SLC25A12: variants seen among roughly 807,000 people sequenced by gnomAD.
SLC25A12 encodes electrogenic aspartate/glutamate antiporter SLC25A12, mitochondrial.
Under a neutral mutation model 83.3 loss-of-function variants are expected in SLC25A12, and 32 were observed. The observed-to-expected ratio is 0.38, with a 90% CI of 0.29 to 0.52. The LOEUF is 0.52. Ranked by LOEUF, SLC25A12 falls within the 20% of genes least tolerant of loss-of-function variation. The pLI, the probability that SLC25A12 is intolerant of heterozygous loss-of-function variation, is 0.84. For missense variants in SLC25A12, 611 were observed against 835.6 expected (o/e 0.73, Z 3.31); for synonymous variants, 267 against 291.1 (o/e 0.92, Z 0.84).
At chr2:171,893,137 G>T in intron 2 of SLC25A12, 68 bp downstream of exon 2, 1 of 1,250,936 alleles carries the variant, frequency 8.0e-7, no homozygotes, top group Non-Finnish European at 1.2e-6. Flanking sequence ...GTTAAGGCAT[G>T]AATAGGACTA....
chr2:171,799,822 C>A (rs563913326), intron 13 of SLC25A12, among the ~76,000 whole-genome samples: 2 of 152,180 alleles, frequency 1.3e-5, no homozygotes, highest in Non-Finnish European at 2.9e-5. Context: ...AAAGTGTGTT[C>A]GCATAGGGTT....
rs1184871981 is a variant in SLC25A12, at chr2:171,783,450, A to G, written c.*1824T>C. Among the ~76,000 whole-genome samples the G allele has an allele frequency of 6.6e-6, 1 of 152,260 alleles. No individual in the cohort carries two copies. The highest frequency in any genetic ancestry group is 1.5e-5 in the Non-Finnish European group (1 of 68,034). ...ATAAACTGACATGGAAAGATATCCAAAACACATTAAGTGAACAAAAGCAAG... is the reference window on the plus strand; with the variant it reads ...ATAAACTGACATGGAAAGATATCCAGAACACATTAAGTGAACAAAAGCAAG... On this transcript the variant is annotated 3_prime_UTR_variant, in exon 18 of 18. Coordinates refer to ENST00000422440, the MANE Select transcript of SLC25A12 (RefSeq NM_003705.5).
intron 13 of SLC25A12, among the ~76,000 whole-genome samples, chr2:171,808,175 G>A (rs1359815502): frequency 2.0e-5 from 3 of 152,242 alleles, no homozygotes; most frequent in Non-Finnish European, 4.4e-5. Flanking sequence ...GAAATTAGTT[G>A]AGCTGCAAAT....
intron 13 of SLC25A12, among the ~76,000 whole-genome samples, chr2:171,803,681 G>A (rs1411331928): frequency 6.6e-6 from 1 of 152,152 alleles, no homozygotes; most frequent in Non-Finnish European, 1.5e-5. Context: ...AGCTACTCAG[G>A]AGGATGGGGC....
intron 2 of SLC25A12, among the ~76,000 whole-genome samples, chr2:171,870,878 G>T (rs1428943960): frequency 1.3e-5 from 2 of 152,108 alleles, no homozygotes; most frequent in African/African-American, 4.8e-5. Flanking sequence ...TCCATTTGTG[G>T]ATCTGACTAA....
chr2:171,788,508 T>C (rs1426203846), intron 15 of SLC25A12: 1 of 158,136 alleles, frequency 6.3e-6, no homozygotes, highest in Non-Finnish European at 1.4e-5. Flanking sequence ...TCATTACAAC[T>C]GGAGCAAGAG....
chr2:171,834,656 T>C, intron 7 of SLC25A12, 71 bp downstream of exon 7: 1 of 1,530,074 alleles, frequency 6.5e-7, no homozygotes, highest in Non-Finnish European at 9.0e-7. Context: ...TAAGCTTAGA[T>C]CAACATCATG....
chr2:171,788,697 C>CG (rs1051033092), intron 15 of SLC25A12: 2 of 152,312 alleles, frequency 1.3e-5, no homozygotes, highest in African/African-American at 4.8e-5. Flanking sequence ...TAATCTTCCC[C>CG]GGGGGAAGAA....
intron 2 of SLC25A12, among the ~76,000 whole-genome samples, chr2:171,881,181 C>T (rs1685686844): frequency 6.6e-6 from 1 of 151,640 alleles, no homozygotes; most frequent in African/African-American, 2.4e-5. Flanking sequence ...GAGACGGAGT[C>T]TCACTCAGCC....
At chr2:171,866,133 A>G (rs1318713677) in intron 3 of SLC25A12, among the ~76,000 whole-genome samples, 1 of 134,548 alleles carries the variant, frequency 7.4e-6, no homozygotes, top group Non-Finnish European at 1.6e-5. Flanking sequence ...GACACAGCAC[A>G]TGTTTCAGAG....
chr2:171,803,342 G>A (rs1474074), intron 13 of SLC25A12, among the ~76,000 whole-genome samples: 40,736 of 151,664 alleles, frequency 0.27, 5,580 homozygotes, highest in African/African-American at 0.3. Flanking sequence ...TAGATTAAAC[G>A]AACTTCATTA....
intron 2 of SLC25A12, among the ~76,000 whole-genome samples, chr2:171,874,016 C>T (rs1025936639): frequency 1.3e-5 from 2 of 151,922 alleles, no homozygotes; most frequent in Non-Finnish European, 2.9e-5. Flanking sequence ...ACCTGAGGTC[C>T]GGGAGTTCGA....
chr2:171,836,726 G>C (rs1057075747), intron 6 of SLC25A12, among the ~76,000 whole-genome samples: 1 of 152,146 alleles, frequency 6.6e-6, no homozygotes, highest in Non-Finnish European at 1.5e-5. Flanking sequence ...CCAAGATGAA[G>C]GCAGTAGTGT....
At chr2:171,841,228 T>C (rs940972763) in intron 5 of SLC25A12, among the ~76,000 whole-genome samples, 1 of 152,128 alleles carries the variant, frequency 6.6e-6, no homozygotes, top group Non-Finnish European at 1.5e-5. Flanking sequence ...TACAGGTGCC[T>C]GCCACCACAC....
At chr2:171,834,980 T>A in intron 6 of SLC25A12, 115 bp from the exon 7 acceptor site, 1 of 1,051,878 alleles carries the variant, frequency 9.5e-7, no homozygotes, top group Non-Finnish European at 1.4e-6. Context: ...AAAATGATGT[T>A]AACAACCAGT....
chr2:171,874,451 C>G (rs542961638), intron 2 of SLC25A12, among the ~76,000 whole-genome samples: 7 of 152,274 alleles, frequency 4.6e-5, no homozygotes, highest in Non-Finnish European at 2.9e-5. Flanking sequence ...TCTTTGTTCT[C>G]GCTCTTCACA....
intron 14 of SLC25A12, among the ~76,000 whole-genome samples, chr2:171,792,225 A>G (rs919461028): frequency 6.7e-6 from 1 of 150,022 alleles, no homozygotes; most frequent in African/African-American, 2.5e-5. Context: ...CCATTCCACT[A>G]CCTAGCTAGG....
chr2:171,869,893 A>C (rs1472214301), intron 2 of SLC25A12, among the ~76,000 whole-genome samples: 1 of 152,256 alleles, frequency 6.6e-6, no homozygotes, highest in East Asian at 1.9e-4. Flanking sequence ...AAAATTCTAC[A>C]AGTTTTCAGA....
At chr2:171,841,682 G>C (rs545154898) in intron 5 of SLC25A12, among the ~76,000 whole-genome samples, 1 of 152,112 alleles carries the variant, frequency 6.6e-6, no homozygotes, top group Non-Finnish European at 1.5e-5. Context: ...CGGAACAAGA[G>C]GTTTTTACAT....
Sources: allele counts gnomAD v4.1 joint callset (sites outside exome capture counted in the v4.1 genomes callset), GRCh38; gene constraint gnomAD v4.1.1; transcripts MANE v1.5; gene names NCBI Gene and HGNC (gene_info 2026-07-23, HGNC 2026-07-21).